HLCS: variants seen among roughly 807,000 people sequenced by gnomAD.
HLCS encodes biotin--protein ligase.
A neutral mutation model predicts 75.0 loss-of-function variants in HLCS; 53 were observed. The observed-to-expected ratio is 0.71, with a 90% confidence interval of 0.57 to 0.89. The LOEUF is 0.89. Among genes scored for constraint, HLCS ranks in the 40% least tolerant of loss-of-function variants. HLCS has a pLI of 0.00. For synonymous variants in HLCS, 431 were observed against 428.6 expected, an observed-to-expected ratio of 1.01 and a Z score of -0.07; for missense variants, 966 against 1,074.0, an observed-to-expected ratio of 0.90 and a Z score of 1.41.
At chr21:36,912,780 A>T (rs2065776073) in intron 5 of HLCS, among the ~76,000 whole-genome samples, 1 of 151,920 alleles carries the variant, frequency 6.6e-6, no homozygotes, top group Admixed American at 6.6e-5. Flanking sequence ...CCCTGCCATC[A>T]ATTAGCCCTG....
At chr21:36,754,827 A>G (rs1027596113) in intron 10 of HLCS, among the ~76,000 whole-genome samples, 2 of 152,216 alleles carry the variant, frequency 1.3e-5, no homozygotes, top group African/African-American at 4.8e-5. Context: ...AAGTTGGCTC[A>G]TATCAGCCAC....
At chr21:36,768,599 G>T (rs1307125257) in intron 6 of HLCS, among the ~76,000 whole-genome samples, 1 of 152,212 alleles carries the variant, frequency 6.6e-6, no homozygotes, top group Non-Finnish European at 1.5e-5. Flanking sequence ...GGACACACAG[G>T]GCAGGGGCTC....
chr21:36,912,745 T>C (rs2065772837), intron 5 of HLCS, among the ~76,000 whole-genome samples: 1 of 152,090 alleles, frequency 6.6e-6, no homozygotes, highest in Non-Finnish European at 1.5e-5. Context: ...CCCTGTCCTC[T>C]ATGCAATTAG....
At chr21:36,923,147 C>A (rs1280020759) in intron 5 of HLCS, among the ~76,000 whole-genome samples, 2 of 152,202 alleles carry the variant, frequency 1.3e-5, no homozygotes, top group Non-Finnish European at 2.9e-5. Context: ...TGGGCTTATT[C>A]CTGGGATGTG....
At chr21:36,941,842 TA>T (rs1365003604) in intron 2 of HLCS, among the ~76,000 whole-genome samples, 1 of 152,004 alleles carries the variant, frequency 6.6e-6, no homozygotes, top group African/African-American at 2.4e-5. Context: ...TTGTCTCTAC[TA>T]AAAAATACAA....
At chr21:36,988,434 T>C (rs1437881074) in intron 1 of HLCS, among the ~76,000 whole-genome samples, 1 of 152,176 alleles carries the variant, frequency 6.6e-6, no homozygotes, top group Non-Finnish European at 1.5e-5. Context: ...TGTACCAGGG[T>C]TTATTCACCC....
upstream of HLCS, among the ~76,000 whole-genome samples, chr21:36,967,165 C>G (rs13046475): frequency 0.41 from 61,805 of 151,670 alleles, 13,278 homozygotes; most frequent in South Asian, 0.53. Flanking sequence ...CCAACCTTTA[C>G]TAACCAGCAG....
chr21:36,857,605 A>T (rs758883500), intron 6 of HLCS, among the ~76,000 whole-genome samples: 3 of 151,914 alleles, frequency 2.0e-5, no homozygotes, highest in Non-Finnish European at 4.4e-5. Flanking sequence ...ACCCACCCCA[A>T]ACCTCCAGGG....
intron 6 of HLCS, among the ~76,000 whole-genome samples, chr21:36,856,016 C>A (rs1445776811): frequency 1.3e-5 from 2 of 151,804 alleles, no homozygotes; most frequent in Non-Finnish European, 2.9e-5. Flanking sequence ...CCAGAACAGG[C>A]AAATCCATAG....
chr21:36,809,466 C>G (rs2061448975), intron 6 of HLCS, among the ~76,000 whole-genome samples: 1 of 152,244 alleles, frequency 6.6e-6, no homozygotes, highest in African/African-American at 2.4e-5. Flanking sequence ...GATCTTATAT[C>G]TGTAAATTTC....
intron 5 of HLCS, among the ~76,000 whole-genome samples, chr21:36,925,073 C>A (rs745349140): frequency 3.3e-5 from 5 of 152,126 alleles, no homozygotes; most frequent in Non-Finnish European, 4.4e-5. Flanking sequence ...ACCAACAAAA[C>A]CTGCTTTTTA....
At chr21:36,771,321 G>T (rs2060202111) in intron 6 of HLCS, among the ~76,000 whole-genome samples, 1 of 152,166 alleles carries the variant, frequency 6.6e-6, no homozygotes, top group Non-Finnish European at 1.5e-5. Flanking sequence ...TAACTAGTGA[G>T]CAGCTTATCT....
At position 36,756,590 on chromosome 21, in the gene HLCS, T is replaced by C. The variant is rs780639790; in HGVS notation, c.2402A>G (p.Lys801Arg). The change falls in exon 10 of 11, where the codon AAA becomes AGA. Residue 801 changes from lysine to arginine, a missense_variant. By Grantham distance (26) the Lys-to-Arg change is conservative. Transcript: ENST00000674895. Reference protein sequence around the residue: ...LEKLIKEFQDKGPNSVLPLYY... With the variant: ...LEKLIKEFQDRGPNSVLPLYY... ...AAGGGGAAGGACGCTGTTGGGCCCT[T>C]TGTCCTGAAACTCTTTGATCAGTTT... 1 of 1,613,896 alleles carries C rather than the reference T, an allele frequency of 6.2e-7. No individual in the cohort carries two copies. Among genetic ancestry groups the C allele is most frequent in the South Asian group, 1.1e-5 (1 of 91,070 alleles).
chr21:36,835,935 C>A (rs1353038611), intron 6 of HLCS, among the ~76,000 whole-genome samples: 1 of 151,960 alleles, frequency 6.6e-6, no homozygotes, highest in African/African-American at 2.4e-5. Context: ...AACCAGGAGT[C>A]CCCTGGCTTA....
intron 6 of HLCS, among the ~76,000 whole-genome samples, chr21:36,876,099 G>A (rs2063964523): frequency 6.6e-6 from 1 of 152,098 alleles, no homozygotes; most frequent in South Asian, 2.1e-4. Context: ...TGGCCTGCCT[G>A]TGCACAGTGG....
chr21:36,898,992 C>T (rs1431855962), intron 5 of HLCS, among the ~76,000 whole-genome samples: 1 of 152,048 alleles, frequency 6.6e-6, no homozygotes, highest in Non-Finnish European at 1.5e-5. Context: ...GCCCAAGAAG[C>T]AGAGGCTGCA....
intron 6 of HLCS, among the ~76,000 whole-genome samples, chr21:36,776,798 T>C (rs549659649): frequency 6.6e-6 from 1 of 152,390 alleles, no homozygotes; most frequent in South Asian, 2.1e-4. Flanking sequence ...TGCAGCCGTA[T>C]GGTTTCTGTG....
At chr21:36,915,953 C>T (rs1411456719) in intron 5 of HLCS, among the ~76,000 whole-genome samples, 1 of 151,988 alleles carries the variant, frequency 6.6e-6, no homozygotes, top group Admixed American at 6.6e-5. Flanking sequence ...GGGGGAAAAA[C>T]CAAAACACTT....
chr21:36,886,516 C>T (rs2064470931), intron 6 of HLCS, among the ~76,000 whole-genome samples: 1 of 151,982 alleles, frequency 6.6e-6, no homozygotes, highest in Non-Finnish European at 1.5e-5. Context: ...GGGCAGCTTG[C>T]CCTACCCTGA....
Sources: gnomAD v4.1 joint callset for allele counts (sites outside exome capture counted in the v4.1 genomes callset) on GRCh38, gnomAD v4.1.1 for gene constraint, MANE v1.5 for transcripts, NCBI Gene and HGNC (gene_info 2026-07-23, HGNC 2026-07-21) for gene names.